The following NRXN1 variants were observed in gnomAD, a reference collection of about 807,000 sequenced individuals.
NRXN1 encodes neurexin-1.
Under a neutral mutation model 150.9 loss-of-function variants are expected in NRXN1, and 39 were observed. The ratio of observed to expected loss-of-function variants is 0.26; its 90% CI spans 0.20 to 0.34. The LOEUF is 0.34. NRXN1 is among the 10% of genes least tolerant of loss of function. The probability of loss-of-function intolerance (pLI) is 1.00; values close to 1 mark genes in which losing one functional copy is unlikely to be tolerated. For missense variants in NRXN1, 1,815 were observed against 1,949.9 expected, an observed-to-expected ratio of 0.93 and a Z score of 1.30; for synonymous variants, 924 against 757.0, an observed-to-expected ratio of 1.22 and a Z score of -3.62.
In NRXN1 at chr2:50,942,407, C is replaced by T. The variant is rs566304752; in HGVS notation, c.773-16452G>A. On this transcript the variant is annotated intron_variant, in intron 2 of 22. Transcript: ENST00000401669. ...CCAGACCCCAGAATGGTAGATCCAC[C>T]GACAGCTTGCACCATGAACCTGGAA... Among the ~76,000 whole-genome samples the T allele has an allele frequency of 6.6e-5, 10 of 152,236 alleles. 1 individual carries two copies. Among genetic ancestry groups the T allele is most frequent in the Non-Finnish European group, 1.0e-4 (7 of 68,006 alleles).
At chr2:49,937,953 A>C (rs1386786012) in intron 22 of NRXN1, among the ~76,000 whole-genome samples, 1 of 152,136 alleles carries the variant, frequency 6.6e-6, no homozygotes, top group Non-Finnish European at 1.5e-5. Context: ...CTTTATTCCT[A>C]ATGTGTTTAA....
intron 21 of NRXN1, among the ~76,000 whole-genome samples, chr2:50,032,560 T>G (rs1461102731): frequency 6.6e-6 from 1 of 152,078 alleles, no homozygotes; most frequent in Non-Finnish European, 1.5e-5. Context: ...AAAAGCTGTT[T>G]CAAGTTCAGT....
At chr2:50,809,604 C>T (rs548519566) in intron 5 of NRXN1, among the ~76,000 whole-genome samples, 1 of 152,152 alleles carries the variant, frequency 6.6e-6, no homozygotes, top group African/African-American at 2.4e-5. Flanking sequence ...TTTCTCTATG[C>T]CGTCACGCTC....
intron 2 of NRXN1, among the ~76,000 whole-genome samples, chr2:50,936,665 A>G (rs1688591455): frequency 6.6e-6 from 1 of 152,146 alleles, no homozygotes. Flanking sequence ...AGAGAGTAGA[A>G]AAGTCACTGC....
intron 19 of NRXN1, among the ~76,000 whole-genome samples, chr2:50,068,649 G>T (rs1695737764): frequency 6.6e-6 from 1 of 152,146 alleles, no homozygotes; most frequent in East Asian, 1.9e-4. Flanking sequence ...TTAGCACAAT[G>T]CCTGGCACAT....
intron 18 of NRXN1, among the ~76,000 whole-genome samples, chr2:50,149,481 A>G (rs1229367995): frequency 6.6e-6 from 1 of 151,762 alleles, no homozygotes; most frequent in Non-Finnish European, 1.5e-5. Flanking sequence ...ACCATATCAT[A>G]TCCTCATGAC....
At chr2:50,148,546 T>C (rs2058503596) in intron 18 of NRXN1, among the ~76,000 whole-genome samples, 2 of 151,720 alleles carry the variant, frequency 1.3e-5, no homozygotes, top group Admixed American at 1.3e-4. Context: ...TGTTTTTCTT[T>C]TCCTGAACAC....
Position 50,330,817 on chromosome 2 carries a change from G to A in NRXN1, c.3365-93847C>T, listed in dbSNP as rs979241178. 4.6e-5 allele frequency among the ~76,000 whole-genome samples: 7 copies of A among 152,238 alleles called. No homozygotes were observed. The East Asian group carries it at 5.8e-4, about 13-fold the overall frequency. ...CTTGGATATGGTTAGGTTATTCTGCGTGTGGGCGACTCATTAATAAAGCTG... is the reference window on the plus strand; with the variant it reads ...CTTGGATATGGTTAGGTTATTCTGCATGTGGGCGACTCATTAATAAAGCTG... On this transcript the variant is annotated intron_variant, in intron 17 of 22. Coordinates refer to ENST00000401669, the MANE Select transcript of NRXN1 (RefSeq NM_001330078.2).
At chr2:50,097,306 C>G (rs1047919671) in intron 18 of NRXN1, among the ~76,000 whole-genome samples, 9 of 152,160 alleles carry the variant, frequency 5.9e-5, no homozygotes, top group Non-Finnish European at 1.3e-4. Flanking sequence ...TGTCATGCAC[C>G]ATAGTACAGT....
At chr2:50,285,843 T>A (rs545520022) in intron 17 of NRXN1, among the ~76,000 whole-genome samples, 1 of 149,370 alleles carries the variant, frequency 6.7e-6, no homozygotes, top group African/African-American at 2.5e-5. Flanking sequence ...CATTTGACAG[T>A]GTATAAAAGA....
chr2:50,720,504 G>T (rs2105116911), intron 5 of NRXN1, among the ~76,000 whole-genome samples: 1 of 152,196 alleles, frequency 6.6e-6, no homozygotes, highest in East Asian at 1.9e-4. Context: ...TGTTGGTATG[G>T]TAGCTAGGAA....
At position 50,642,522 on chromosome 2, in the gene NRXN1, T is replaced by C. The variant is rs141565166; in HGVS notation, c.833-18907A>G. ...TCATGAAGAATAATGGCAAATGAAG[T>C]TAATAAGTTTGTTTCAGGCCAGCTT... On this transcript the variant is annotated intron_variant, in intron 5 of 22. Transcript: ENST00000401669. Among the ~76,000 whole-genome samples the C allele has an allele frequency of 1.5e-3, 234 of 152,098 alleles. 1 individual carries two copies. The highest frequency in any genetic ancestry group is 1.3e-3 in the Non-Finnish European group (91 of 67,960).
intron 18 of NRXN1, among the ~76,000 whole-genome samples, chr2:50,214,073 G>C (rs1261220378): frequency 2.0e-5 from 3 of 151,950 alleles, no homozygotes; most frequent in African/African-American, 7.2e-5. Context: ...TTTTAGAGTT[G>C]TCAGTCTTAT....
intron 12 of NRXN1, among the ~76,000 whole-genome samples, chr2:50,512,633 G>A (rs939015786): frequency 2.6e-5 from 4 of 152,130 alleles, no homozygotes; most frequent in African/African-American, 9.7e-5. Context: ...GTTATTGGCA[G>A]GATGAAACTA....
At chr2:50,298,004 G>A (rs2073785287) in intron 17 of NRXN1, among the ~76,000 whole-genome samples, 1 of 151,904 alleles carries the variant, frequency 6.6e-6, no homozygotes, top group Admixed American at 6.6e-5. Context: ...CTCTTTTTGT[G>A]ATCAGCACAT....
At chr2:50,418,994 T>C (rs1041918097) in intron 17 of NRXN1, among the ~76,000 whole-genome samples, 8 of 152,064 alleles carry the variant, frequency 5.3e-5, no homozygotes, top group African/African-American at 1.9e-4. Flanking sequence ...AATCTTTGAC[T>C]CTCCTTTGAA....
At chr2:50,836,329 A>C (rs1672098482) in intron 5 of NRXN1, among the ~76,000 whole-genome samples, 2 of 152,140 alleles carry the variant, frequency 1.3e-5, no homozygotes, top group African/African-American at 4.8e-5. Context: ...TGTGGTAAAA[A>C]CATTTAAAAT....
chr2:50,024,720 T>C (rs1688034505), intron 21 of NRXN1, among the ~76,000 whole-genome samples: 1 of 152,134 alleles, frequency 6.6e-6, no homozygotes, highest in African/African-American at 2.4e-5. Context: ...ATTCAAGCGA[T>C]GCTCCTGCCT....
chr2:49,975,397 T>A (rs1055641543), intron 21 of NRXN1, among the ~76,000 whole-genome samples: 1 of 152,100 alleles, frequency 6.6e-6, no homozygotes, highest in Non-Finnish European at 1.5e-5. Flanking sequence ...AAAAGTGTAT[T>A]GGAATAAACA....
Sources: gnomAD v4.1 joint callset for allele counts (sites outside exome capture counted in the v4.1 genomes callset) on GRCh38, gnomAD v4.1.1 for gene constraint, MANE v1.5 for transcripts, NCBI Gene and HGNC (gene_info 2026-07-23, HGNC 2026-07-21) for gene names.